NTRK2: variants seen among roughly 807,000 people sequenced by gnomAD.
NTRK2 encodes neurotrophic receptor tyrosine kinase 2.
Under a neutral mutation model 94.5 loss-of-function variants are expected in NTRK2, and 13 were observed. The ratio of observed to expected loss-of-function variants is 0.14; its 90% confidence interval spans 0.09 to 0.22. The LOEUF is 0.22. Ranked by LOEUF, NTRK2 falls within the 10% of genes least tolerant of loss-of-function variation. The probability of loss-of-function intolerance (pLI) is 1.00; values close to 1 mark genes in which losing one functional copy is unlikely to be tolerated. For missense variants in NTRK2, 639 were observed against 1,071.2 expected, an observed-to-expected ratio of 0.60 and a Z score of 5.63; for synonymous variants, 372 against 407.4, an observed-to-expected ratio of 0.91 and a Z score of 1.05.
chr9:84,878,651 T>C (rs1044521421), intron 14 of NTRK2, among the ~76,000 whole-genome samples: 7 of 151,266 alleles, frequency 4.6e-5, no homozygotes, highest in South Asian at 2.1e-4. Flanking sequence ...AAAAAAAAAT[T>C]CTGATATTTT....
At chr9:84,694,397 A>G (rs2060235000) in intron 2 of NTRK2, among the ~76,000 whole-genome samples, 1 of 152,244 alleles carries the variant, frequency 6.6e-6, no homozygotes, top group African/African-American at 2.4e-5. Context: ...GAAAGCTGAA[A>G]ATGCCACTGC....
chr9:84,934,789 A>G (rs1247283859), intron 15 of NTRK2, among the ~76,000 whole-genome samples: 3 of 152,134 alleles, frequency 2.0e-5, no homozygotes, highest in African/African-American at 4.8e-5. Flanking sequence ...CCAGGGTTTT[A>G]TATAGCACAG....
chr9:84,747,029 TG>T (rs748403113), intron 11 of NTRK2, among the ~76,000 whole-genome samples: 1 of 152,028 alleles, frequency 6.6e-6, no homozygotes, highest in South Asian at 2.1e-4. Flanking sequence ...AGACTTGCAG[TG>T]AACAGTATAG....
intron 11 of NTRK2, among the ~76,000 whole-genome samples, chr9:84,745,671 T>A (rs2064005095): frequency 6.6e-6 from 1 of 152,184 alleles, no homozygotes; most frequent in Non-Finnish European, 1.5e-5. Flanking sequence ...TTGCATGGCC[T>A]GTGCAGAAGG....
At chr9:84,893,155 G>A (rs1019856785) in intron 14 of NTRK2, among the ~76,000 whole-genome samples, 2 of 152,008 alleles carry the variant, frequency 1.3e-5, no homozygotes, top group Admixed American at 6.5e-5. Context: ...CCTCACAAAG[G>A]TCTCTCCTAT....
chr9:84,823,514 G>A (rs2072984485), intron 12 of NTRK2, among the ~76,000 whole-genome samples: 3 of 152,194 alleles, frequency 2.0e-5, no homozygotes, highest in South Asian at 4.1e-4. Flanking sequence ...CAACTTTATT[G>A]AGTACTTTCT....
chr9:84,682,593 G>A (rs1487544894), intron 2 of NTRK2, among the ~76,000 whole-genome samples: 1 of 151,818 alleles, frequency 6.6e-6, no homozygotes, highest in Admixed American at 6.6e-5. Context: ...GCCCAAATTC[G>A]ACCTCGAGAG....
chr9:84,756,481 C>G (rs2065095768), intron 12 of NTRK2, among the ~76,000 whole-genome samples: 1 of 152,168 alleles, frequency 6.6e-6, no homozygotes, highest in Non-Finnish European at 1.5e-5. Flanking sequence ...TATAAGGGAG[C>G]CAGCAGGGAG....
chr9:85,016,849 C>T (rs1050842737), intron 17 of NTRK2, among the ~76,000 whole-genome samples: 10 of 152,056 alleles, frequency 6.6e-5, no homozygotes, highest in South Asian at 2.1e-4. Context: ...TAACAGCATG[C>T]GTGAAATCCC....
At chr9:84,783,578 G>C (rs1453952315) in intron 12 of NTRK2, among the ~76,000 whole-genome samples, 1 of 152,190 alleles carries the variant, frequency 6.6e-6, no homozygotes, top group African/African-American at 2.4e-5. Flanking sequence ...AATAGAGTTT[G>C]AAAGGTGCCT....
chr9:84,874,176 T>A, intron 14 of NTRK2: 2 of 1,065,056 alleles, frequency 1.9e-6, no homozygotes, highest in Non-Finnish European at 2.3e-6. Flanking sequence ...CATGTGCTAG[T>A]AGATTGTGGA....
rs2074556915 is a variant in NTRK2, at chr9:84,848,069, T to A, written c.1397-12971T>A. On this transcript the variant is annotated intron_variant, in intron 12 of 18. Transcript: ENST00000277120. ...CATGGCCTTTTCTCTGTGGCTCCAG[T>A]AGAGAGGGGCAGAGAGAGAGAGAGA... 2.5e-5 allele frequency among the ~76,000 whole-genome samples: 3 copies of A among 120,756 alleles called. No homozygotes were observed. The South Asian group carries it at 9.9e-4, about 40-fold the overall frequency. 79.2% of individuals were successfully genotyped at this position (120,756 alleles called of 152,430 possible). A position where few individuals can be genotyped will look rare whatever the true frequency, so the allele number is the denominator to read the frequency against.
At chr9:84,797,542 AAT>A (rs1491179224) in intron 12 of NTRK2, among the ~76,000 whole-genome samples, 4 of 85,294 alleles carry the variant, frequency 4.7e-5, no homozygotes, top group Non-Finnish European at 6.2e-5. Context: ...ATGTATATAT[AAT>A]ATATATATTA....
In NTRK2 at chr9:84,799,176, T is replaced by C. The variant is rs187932750; in HGVS notation, c.1396+47091T>C. On this transcript the variant is annotated intron_variant, in intron 12 of 18. Transcript: ENST00000277120. Reference sequence around the variant, plus strand: ...GAAAAACAGGTATGAGAGATGCAGGTTGGCATTCCTAGAAATTATGACACT... The same window carrying C: ...GAAAAACAGGTATGAGAGATGCAGGCTGGCATTCCTAGAAATTATGACACT... Among the ~76,000 whole-genome samples the C allele has an allele frequency of 2.4e-4, 36 of 152,110 alleles. No individual in the cohort carries two copies. In the East Asian group the frequency reaches 6.2e-3, roughly 26 times the overall value.
intron 17 of NTRK2, among the ~76,000 whole-genome samples, chr9:84,981,619 T>C (rs1168207570): frequency 6.6e-6 from 1 of 152,212 alleles, no homozygotes; most frequent in Non-Finnish European, 1.5e-5. Flanking sequence ...TGTTTTTTCA[T>C]TGTCTTCTTA....
chr9:84,786,394 G>C (rs986811563), intron 12 of NTRK2, among the ~76,000 whole-genome samples: 1 of 152,166 alleles, frequency 6.6e-6, no homozygotes, highest in African/African-American at 2.4e-5. Flanking sequence ...TAGGGGGTGA[G>C]TGGCAATACC....
At chr9:84,809,549 A>C (rs888772486) in intron 12 of NTRK2, among the ~76,000 whole-genome samples, 2 of 151,476 alleles carry the variant, frequency 1.3e-5, no homozygotes, top group Non-Finnish European at 2.9e-5. Context: ...TATAATACTT[A>C]AAGTTAAGCA....
At chr9:84,745,239 G>A (rs1588316022) in intron 11 of NTRK2, among the ~76,000 whole-genome samples, 166 bp downstream of exon 11, 1 of 152,052 alleles carries the variant, frequency 6.6e-6, no homozygotes, top group African/African-American at 2.4e-5. Context: ...AGTGATAAAG[G>A]TGTTATATGG....
intron 13 of NTRK2, among the ~76,000 whole-genome samples, chr9:84,863,342 C>T (rs2075420222): frequency 6.6e-6 from 1 of 152,184 alleles, no homozygotes; most frequent in African/African-American, 2.4e-5. Flanking sequence ...AAAATGTTTC[C>T]AGACTTAACT....
Sources: gnomAD v4.1 joint callset for allele counts (sites outside exome capture counted in the v4.1 genomes callset) on GRCh38, gnomAD v4.1.1 for gene constraint, MANE v1.5 for transcripts, NCBI Gene and HGNC (gene_info 2026-07-23, HGNC 2026-07-21) for gene names.